Variants in GRM7 observed in about 807,000 individuals in gnomAD.
GRM7 encodes the protein glutamate metabotropic receptor 7, also known as metabotropic glutamate receptor 7.
Under a neutral mutation model 84.5 loss-of-function variants are expected in GRM7, and 35 were observed. The observed-to-expected ratio is 0.41, with a 90% confidence interval of 0.32 to 0.55. The LOEUF is 0.55. Among genes scored for constraint, GRM7 ranks in the 20% least tolerant of loss-of-function variants. The pLI is 0.19. For missense variants in GRM7, 1,003 were observed against 1,194.6 expected, an observed-to-expected ratio of 0.84 and a Z score of 2.36; for synonymous variants, 487 against 455.1, an observed-to-expected ratio of 1.07 and a Z score of -0.89.
chr3:7,065,457 C>T (rs1697621989), intron 1 of GRM7, among the ~76,000 whole-genome samples: 1 of 151,782 alleles, frequency 6.6e-6, no homozygotes, highest in Non-Finnish European at 1.5e-5. Context: ...ATCCTTTCCC[C>T]ACTTTATGTT....
At chr3:7,704,853 A>G (rs1701336389) in intron 9 of GRM7, among the ~76,000 whole-genome samples, 1 of 152,082 alleles carries the variant, frequency 6.6e-6, no homozygotes, top group Non-Finnish European at 1.5e-5. Flanking sequence ...TATGTACTGA[A>G]CCTCATGTTC....
At chr3:7,543,063 C>G (rs541100112) in intron 7 of GRM7, among the ~76,000 whole-genome samples, 1 of 151,928 alleles carries the variant, frequency 6.6e-6, no homozygotes, top group African/African-American at 2.4e-5. Context: ...TTTGAATGGA[C>G]GAATGAATGA....
chr3:7,454,090 A>ACACACACTCTCTCTCTCTCTCT (rs1365192243), intron 6 of GRM7, among the ~76,000 whole-genome samples: 2 of 140,122 alleles, frequency 1.4e-5, no homozygotes, highest in East Asian at 2.4e-4. Flanking sequence ...CTACACACAC[A>ACACACACTCTCTCTCTCTCTCT]CTCTCTCTCT....
chr3:7,248,809 C>G (rs1369979236), intron 2 of GRM7, among the ~76,000 whole-genome samples: 1 of 152,060 alleles, frequency 6.6e-6, no homozygotes, highest in Non-Finnish European at 1.5e-5. Context: ...ATTTAGAAGA[C>G]TAAATGAGAC....
chr3:7,058,046 T>A (rs1697293047), intron 1 of GRM7, among the ~76,000 whole-genome samples: 1 of 151,974 alleles, frequency 6.6e-6, no homozygotes, highest in African/African-American at 2.4e-5. Context: ...TTTTTGACAA[T>A]CTGTAACTTT....
At chr3:7,089,292 A>C (rs1418162302) in intron 1 of GRM7, among the ~76,000 whole-genome samples, 3 of 152,236 alleles carry the variant, frequency 2.0e-5, no homozygotes, top group Non-Finnish European at 4.4e-5. Context: ...AAGGTATAAA[A>C]GTAGAAAGTT....
intron 7 of GRM7, among the ~76,000 whole-genome samples, chr3:7,546,575 C>A (rs1693163204): frequency 6.6e-6 from 1 of 152,366 alleles, no homozygotes; most frequent in African/African-American, 2.4e-5. Context: ...TTCTCCTGAC[C>A]TTGGCTTGCC....
At chr3:7,407,350 G>A (rs1484437305) in intron 4 of GRM7, among the ~76,000 whole-genome samples, 1 of 152,148 alleles carries the variant, frequency 6.6e-6, no homozygotes, top group Non-Finnish European at 1.5e-5. Context: ...CTGACCTTGT[G>A]CATCTTGAGC....
intron 8 of GRM7, among the ~76,000 whole-genome samples, chr3:7,673,080 A>G (rs1420584721): frequency 6.6e-6 from 1 of 152,214 alleles, no homozygotes. Flanking sequence ...CAATAACTCT[A>G]ACATCCTTGA....
rs371735908 is a variant in GRM7, at chr3:7,119,861, TG to T, written c.520-26588del. On this transcript the variant is annotated intron_variant, in intron 1 of 9. Coordinates refer to ENST00000357716, the MANE Select transcript of GRM7 (RefSeq NM_000844.4). ...GACTTCAGCTCATATTTTAAAATTA[TG>T]GGCGCTTCTGATTTACATAGCTCAT... 5.9e-5 allele frequency among the ~76,000 whole-genome samples: 9 copies of T among 152,274 alleles called. No individual in the cohort carries two copies. The East Asian group carries it at 9.6e-4, about 16-fold the overall frequency.
At chr3:7,042,590 A>T (rs1566368) in intron 1 of GRM7, among the ~76,000 whole-genome samples, 86,237 of 151,834 alleles carry the variant, frequency 0.57, 26,417 homozygotes, top group African/African-American at 0.82. Context: ...CAATATTCTC[A>T]TCTGCAATGT....
At chr3:7,480,845 G>A (rs1699101373) in intron 7 of GRM7, among the ~76,000 whole-genome samples, 1 of 152,174 alleles carries the variant, frequency 6.6e-6, no homozygotes, top group African/African-American at 2.4e-5. Context: ...GTTCAGATGA[G>A]TTGTGGACCA....
intron 9 of GRM7, among the ~76,000 whole-genome samples, chr3:7,695,347 C>T (rs1002663447): frequency 2.0e-5 from 3 of 152,202 alleles, no homozygotes; most frequent in African/African-American, 7.2e-5. Context: ...CTCAGTCAGC[C>T]ACAAGGCCTG....
chr3:7,706,948 T>C (rs931017284), intron 9 of GRM7, among the ~76,000 whole-genome samples: 2 of 151,854 alleles, frequency 1.3e-5, no homozygotes, highest in Non-Finnish European at 2.9e-5. Flanking sequence ...AGACCTCTCT[T>C]TGGGAAAGGT....
At chr3:7,630,311 AT>A (rs3838617) in intron 8 of GRM7, among the ~76,000 whole-genome samples, 30,500 of 151,992 alleles carry the variant, frequency 0.2, 3,302 homozygotes, top group Middle Eastern at 0.35. Flanking sequence ...GAGTTGTCTG[AT>A]TAGATGCAAA....
intron 1 of GRM7, among the ~76,000 whole-genome samples, chr3:7,056,263 G>C (rs1331909760): frequency 1.3e-5 from 2 of 151,952 alleles, no homozygotes; most frequent in Admixed American, 6.6e-5. Flanking sequence ...GTTCTCAATG[G>C]CAGAGCTTCT....
intron 4 of GRM7, among the ~76,000 whole-genome samples, chr3:7,372,075 G>A (rs1694162035): frequency 6.6e-6 from 1 of 152,136 alleles, no homozygotes; most frequent in East Asian, 1.9e-4. Context: ...ACCTACAGAT[G>A]AGGGCCTCAA....
Position 7,636,289 on chromosome 3 carries a change from A to T in GRM7, c.2452-43760A>T, listed in dbSNP as rs1228012537. The T allele has an allele frequency of 2.2e-5, 10 of 456,576 alleles. No individual in the cohort carries two copies. The Admixed American group carries it at 2.3e-4, about 11-fold the overall frequency. 28.3% of individuals were successfully genotyped at this position (456,576 alleles called of 1,614,324 possible). On this transcript the variant is annotated intron_variant, in intron 8 of 9. Coordinates refer to ENST00000357716, the MANE Select transcript of GRM7 (RefSeq NM_000844.4). ...TCCCTGAATCATTGTAAGATAATGG[A>T]GACGCAGCAATGACTGTTCTTGTTA...
chr3:7,152,988 T>G (rs1694331858), intron 2 of GRM7, among the ~76,000 whole-genome samples: 1 of 152,152 alleles, frequency 6.6e-6, no homozygotes, highest in Non-Finnish European at 1.5e-5. Context: ...AAAACCCATT[T>G]TGTTGACAGT....
Sources: allele counts gnomAD v4.1 joint callset (sites outside exome capture counted in the v4.1 genomes callset), GRCh38; gene constraint gnomAD v4.1.1; transcripts MANE v1.5; gene names NCBI Gene and HGNC (gene_info 2026-07-23, HGNC 2026-07-21).